Variants in CADM2 observed in about 807,000 individuals in gnomAD.
CADM2 encodes the protein immunoglobulin superfamily member 4D.
A neutral mutation model predicts 49.8 loss-of-function variants in CADM2; 12 were observed. That is an observed-to-expected ratio of 0.24 (90% CI 0.15 to 0.39). The LOEUF is 0.39. CADM2 is among the 10% of genes least tolerant of loss of function. CADM2 has a pLI of 1.00. For missense variants in CADM2, 378 were observed against 492.3 expected, an observed-to-expected ratio of 0.77 and a Z score of 2.20; for synonymous variants, 214 against 175.4, an observed-to-expected ratio of 1.22 and a Z score of -1.74.
chr3:85,158,748 G>T (rs576742707), intron 1 of CADM2, among the ~76,000 whole-genome samples: 1 of 152,002 alleles, frequency 6.6e-6, no homozygotes. Flanking sequence ...GCTAGATGAC[G>T]AGTTAGTGGG....
At chr3:85,557,988 A>C (rs966712615) in intron 1 of CADM2, among the ~76,000 whole-genome samples, 3 of 152,084 alleles carry the variant, frequency 2.0e-5, no homozygotes, top group Non-Finnish European at 4.4e-5. Flanking sequence ...AACACTAGGA[A>C]AAAAGAGCAA....
At chr3:85,226,527 G>A (rs141482604) in intron 1 of CADM2, among the ~76,000 whole-genome samples, 1 of 151,560 alleles carries the variant, frequency 6.6e-6, no homozygotes, top group Non-Finnish European at 1.5e-5. Context: ...TTCTTTATTA[G>A]TCTGGCTAGT....
chr3:85,307,951 A>T (rs529504608), intron 1 of CADM2, among the ~76,000 whole-genome samples: 2 of 151,582 alleles, frequency 1.3e-5, no homozygotes, highest in East Asian at 3.9e-4. Context: ...AGAAAAAAAA[A>T]AAAACACAAT....
At chr3:85,703,080 A>G (rs961344264) in intron 1 of CADM2, among the ~76,000 whole-genome samples, 7 of 152,226 alleles carry the variant, frequency 4.6e-5, no homozygotes, top group Non-Finnish European at 7.3e-5. Flanking sequence ...ACACATGTAG[A>G]CAAATATATA....
At chr3:85,289,021 C>G (rs901527144) in intron 1 of CADM2, among the ~76,000 whole-genome samples, 1 of 152,110 alleles carries the variant, frequency 6.6e-6, no homozygotes, top group Non-Finnish European at 1.5e-5. Context: ...ATGTACCAGG[C>G]ATTTTGCTAA....
chr3:84,982,706 T>A (rs1575967600), intron 1 of CADM2, among the ~76,000 whole-genome samples: 1 of 86,856 alleles, frequency 1.2e-5, no homozygotes, highest in East Asian at 3.1e-4. Context: ...ATAAAGCATA[T>A]ATATATATAT....
chr3:85,415,680 G>A (rs575809092), intron 1 of CADM2, among the ~76,000 whole-genome samples: 1 of 152,196 alleles, frequency 6.6e-6, no homozygotes, highest in East Asian at 1.9e-4. Context: ...GTTCATGAGA[G>A]CTATTAATTG....
chr3:84,964,906 G>C (rs1399808276), intron 1 of CADM2, among the ~76,000 whole-genome samples: 1 of 152,028 alleles, frequency 6.6e-6, no homozygotes, highest in Non-Finnish European at 1.5e-5. Context: ...AGTTAATTTT[G>C]ACATTTTGTA....
At chr3:86,003,187 C>G (rs1360841316) in intron 8 of CADM2, among the ~76,000 whole-genome samples, 2 of 152,116 alleles carry the variant, frequency 1.3e-5, no homozygotes, top group African/African-American at 2.4e-5. Flanking sequence ...TTCTTGCTGT[C>G]CATTATAAAT....
intron 1 of CADM2, among the ~76,000 whole-genome samples, chr3:85,220,597 G>T (rs1373526701): frequency 1.3e-5 from 2 of 152,062 alleles, no homozygotes; most frequent in Admixed American, 1.3e-4. Flanking sequence ...TACTACAGGA[G>T]TAATAGTCAT....
At chr3:85,233,747 C>A in intron 1 of CADM2, among the ~76,000 whole-genome samples, 1 of 151,944 alleles carries the variant, frequency 6.6e-6, no homozygotes, top group East Asian at 1.9e-4. Flanking sequence ...TAGAAAGATT[C>A]TTTGTGAAAA....
intron 1 of CADM2, among the ~76,000 whole-genome samples, chr3:85,095,745 A>G (rs892841299): frequency 2.6e-5 from 4 of 152,166 alleles, no homozygotes; most frequent in African/African-American, 9.6e-5. Context: ...AGTTTTCCAT[A>G]ATTATTCCAC....
intron 2 of CADM2, among the ~76,000 whole-genome samples, chr3:85,748,022 A>AT (rs770786630): frequency 6.6e-6 from 1 of 152,084 alleles, no homozygotes; most frequent in South Asian, 2.1e-4. Flanking sequence ...AATATGGTTC[A>AT]TTTTTAACAT....
intron 4 of CADM2, among the ~76,000 whole-genome samples, chr3:85,884,884 C>T (rs1273465853): frequency 1.6e-5 from 2 of 123,782 alleles, no homozygotes. Context: ...GCCACCACGC[C>T]TGGCTAATTT....
chr3:85,382,539 C>T (rs561620476), intron 1 of CADM2, among the ~76,000 whole-genome samples: 9 of 152,210 alleles, frequency 5.9e-5, no homozygotes, highest in Middle Eastern at 6.8e-3. Context: ...ACATCTTATT[C>T]GCCAAACAAA....
At chr3:85,602,347 C>T (rs1366928410) in intron 1 of CADM2, among the ~76,000 whole-genome samples, 4 of 151,772 alleles carry the variant, frequency 2.6e-5, no homozygotes, top group Non-Finnish European at 4.4e-5. Context: ...AGCTTTTACT[C>T]AATGGAGTTC....
At chr3:86,013,776 A>T in intron 8 of CADM2, 1 of 1,590,070 alleles carries the variant, frequency 6.3e-7, no homozygotes, top group South Asian at 1.1e-5. Context: ...ATTTCACACT[A>T]TGATAACTGA....
At chr3:85,671,788 T>C (rs958840239) in intron 1 of CADM2, among the ~76,000 whole-genome samples, 1 of 152,210 alleles carries the variant, frequency 6.6e-6, no homozygotes, top group African/African-American at 2.4e-5. Flanking sequence ...ATTTATCTTC[T>C]CATATGTGTA....
intron 8 of CADM2, among the ~76,000 whole-genome samples, chr3:85,965,348 TATGAC>T (rs1725348187): frequency 6.7e-6 from 1 of 149,984 alleles, no homozygotes; most frequent in African/African-American, 2.4e-5. Context: ...TCATTTATAA[TATGAC>T]ATACTTTGTA....
Sources: gnomAD v4.1 joint callset for allele counts (sites outside exome capture counted in the v4.1 genomes callset) on GRCh38, gnomAD v4.1.1 for gene constraint, MANE v1.5 for transcripts, NCBI Gene and HGNC (gene_info 2026-07-23, HGNC 2026-07-21) for gene names.